DNAH17: variants seen among roughly 807,000 people sequenced by gnomAD.
DNAH17 encodes the protein axonemal beta dynein heavy chain 17.
DNAH17 carries 376 observed loss-of-function variants against 485.6 expected under a neutral mutation model. That is an observed-to-expected ratio of 0.77 (90% confidence interval 0.71 to 0.84). The LOEUF (loss-of-function observed/expected upper bound fraction) is 0.84. DNAH17 is among the 40% of genes least tolerant of loss of function. The probability of loss-of-function intolerance (pLI) is 0.00; values close to 1 mark genes in which losing one functional copy is unlikely to be tolerated. For missense variants in DNAH17, 6,370 were observed against 5,839.3 expected (o/e 1.09, Z -2.96); for synonymous variants, 3,031 against 2,405.9 (o/e 1.26, Z -7.60).
chr17:78,524,950 C>T, intron 25 of DNAH17, 59 bp downstream of exon 25: 1 of 1,552,214 alleles, frequency 6.4e-7, no homozygotes, highest in African/African-American at 1.4e-5. Context: ...CCTCTTGTTG[C>T]CGGGGGCAGC....
Position 78,558,124 on chromosome 17 carries a change from A to G in DNAH17, c.2162T>C (p.Val721Ala), listed in dbSNP as rs759345060. The stretch of plus-strand genomic sequence containing the variant: ...CCAACTCACCTCATTATACCAGCCA[A>G]CGATGAGCTCCAGGTTGCCCACAAA... ...RKFVGNLELI[V>A]GWYNEIKTIV... Residue 721 changes from valine to alanine, a missense_variant, in exon 14 of 81, where the codon GTT becomes GCT. By Grantham distance (64) the Val-to-Ala change is moderately conservative. Coordinates refer to ENST00000389840, the MANE Select transcript of DNAH17 (RefSeq NM_173628.4). 2 of 1,613,488 alleles carry G rather than the reference A, an allele frequency of 1.2e-6. No homozygotes were observed. The highest frequency in any genetic ancestry group is 1.3e-5 in the African/African-American group (1 of 74,916).
At chr17:78,456,734 T>C (rs1213847067) in intron 62 of DNAH17, among the ~76,000 whole-genome samples, 2 of 152,196 alleles carry the variant, frequency 1.3e-5, no homozygotes, top group Admixed American at 6.5e-5. Flanking sequence ...TGTGGCACCA[T>C]CTGAGCAGCC....
rs773391067 is a variant in DNAH17 at position 78,490,717 on chromosome 17, G to T, written c.6800C>A (p.Ala2267Asp). 16 of 1,608,156 alleles carry T rather than the reference G, an allele frequency of 9.9e-6. No individual in the cohort carries two copies. The South Asian group carries it at 1.7e-4, about 17-fold the overall frequency. Residue 2267 changes from alanine (A) to aspartate (D), a missense_variant, in exon 44 of 81, where the codon GCC (alanine) becomes GAC (aspartate). Transcript: ENST00000389840. ...SRAGILYINPADLGWNPVVSS... is the reference protein window; with the variant it reads ...SRAGILYINPDDLGWNPVVSS... ...CACTCACGGGTTCCATCCCAGGTCGGCTGGGTTGATGTAGAGGATGCCGGC... is the reference window on the plus strand; with the variant it reads ...CACTCACGGGTTCCATCCCAGGTCGTCTGGGTTGATGTAGAGGATGCCGGC...
rs1568165536 is a variant in DNAH17, at chr17:78,502,613, A to C, written c.5168T>G (p.Ile1723Ser). Residue 1723 changes from isoleucine (I) to serine (S), a missense_variant, in exon 33 of 81, where the codon ATC (isoleucine) becomes AGC (serine). Ile to Ser is a moderately radical substitution (Grantham distance 142, BLOSUM62 -2). Coordinates refer to ENST00000389840, the MANE Select transcript of DNAH17 (RefSeq NM_173628.4). ...CACCTGCTTTTTGTTATAATCTCTG[A>C]TAGCGTTTTCATAGCCTTCCTCCAG... is the stretch of plus-strand genomic sequence containing the variant. The part of the protein sequence containing the change: ...ARLEEGYENA[I>S]RDYNKKQISQ... 1 of 1,613,220 alleles carries C rather than the reference A, an allele frequency of 6.2e-7. No homozygotes were observed. The highest frequency in any genetic ancestry group is 1.7e-5 in the Admixed American group (1 of 59,874).
intron 80 of DNAH17, 170 bp from the exon 81 acceptor site, chr17:78,424,323 C>T (rs1214380304): frequency 6.5e-6 from 5 of 774,156 alleles, no homozygotes; most frequent in Non-Finnish European, 8.0e-6. Flanking sequence ...TAGGTGATGG[C>T]CTGCATGTTG....
intron 13 of DNAH17, among the ~76,000 whole-genome samples, chr17:78,560,427 TG>T (rs2092126879): frequency 6.6e-6 from 1 of 152,122 alleles, no homozygotes; most frequent in South Asian, 2.1e-4. Flanking sequence ...TTCTCCCCAG[TG>T]TGCCTGCCTT....
At chr17:78,510,604 C>G in intron 26 of DNAH17, 98 bp from the exon 27 acceptor site, 1 of 1,516,846 alleles carries the variant, frequency 6.6e-7, no homozygotes, top group Non-Finnish European at 9.0e-7. Context: ...TGCCGGGGCA[C>G]GATCCCGGGC....
chr17:78,449,613 G>T, intron 68 of DNAH17, 29 bp from the exon 69 acceptor site: 1 of 1,582,132 alleles, frequency 6.3e-7, no homozygotes, highest in Non-Finnish European at 8.6e-7. Flanking sequence ...GAGCCATGGA[G>T]GCGTGCAGAG....
chr17:78,500,145 G>T (rs1241071946), intron 36 of DNAH17, 160 bp downstream of exon 36: 2 of 762,150 alleles, frequency 2.6e-6, no homozygotes, highest in Non-Finnish European at 4.1e-6. Flanking sequence ...ACCTGAGGGG[G>T]ATGCTACCAG....
intron 2 of DNAH17, 25 bp from the exon 3 acceptor site, chr17:78,572,919 C>T (rs2092380765): frequency 6.2e-7 from 1 of 1,603,520 alleles, no homozygotes; most frequent in Non-Finnish European, 8.5e-7. Flanking sequence ...TTCTGTGGTT[C>T]CGCCCCCTGT....
chr17:78,503,175 T>A (rs896051823), intron 31 of DNAH17, 164 bp from the exon 32 acceptor site: 9 of 170,588 alleles, frequency 5.3e-5, no homozygotes, highest in East Asian at 1.7e-4. Context: ...ACACCTTTTT[T>A]TTTTTTTTTT....
Position 78,423,991 on chromosome 17 carries a change from G to A in DNAH17, c.13304C>T (p.Thr4435Ile), listed in dbSNP as rs1217662176. 2.5e-6 allele frequency: 4 copies of A among 1,613,916 alleles called. No homozygotes were observed. Among genetic ancestry groups the A allele is most frequent in the Non-Finnish European group, 3.4e-6 (4 of 1,179,906 alleles). Residue 4435 changes from threonine to isoleucine, a missense_variant, in exon 81 of 81, where the codon ACC becomes ATC. Thr to Ile is a moderately conservative substitution (Grantham distance 89). Coordinates refer to ENST00000389840, the MANE Select transcript of DNAH17 (RefSeq NM_173628.4). ...CTTCAAGTTAAAGGTCCAGACATAG[G>A]TGGGGCCGCGGATGCGTGTTTTGTA... ...PVYKTRIRGPTYVWTFNLKTK... is the reference protein window; with the variant it reads ...PVYKTRIRGPIYVWTFNLKTK...
Position 78,575,251 on chromosome 17 carries a change from A to C in DNAH17, c.-25-169T>G, listed in dbSNP as rs530381219. On this transcript the variant is annotated intron_variant, in intron 1 of 80. Coordinates refer to ENST00000389840, the MANE Select transcript of DNAH17 (RefSeq NM_173628.4). Reference sequence around the variant, plus strand: ...TGGGTTGGGGTGGGGGTGCTTTAGCAGGTGCTGGCACCTGCCCCGGCCCCG... The same window carrying C: ...TGGGTTGGGGTGGGGGTGCTTTAGCCGGTGCTGGCACCTGCCCCGGCCCCG... 6.0e-3 allele frequency among the ~76,000 whole-genome samples: 912 copies of C among 152,318 alleles called. 5 individuals are homozygous for C. Among genetic ancestry groups the C allele is most frequent in the African/African-American group, 0.021 (862 of 41,572 alleles).
chr17:78,526,412 C>T (rs1017257270), intron 24 of DNAH17, among the ~76,000 whole-genome samples: 11 of 152,098 alleles, frequency 7.2e-5, no homozygotes, highest in African/African-American at 2.4e-4. Flanking sequence ...CTCTGAGCTG[C>T]GAGACACAGA....
chr17:78,479,790 T>G (rs1333760487), intron 49 of DNAH17, among the ~76,000 whole-genome samples, 158 bp from the exon 50 acceptor site: 5 of 152,170 alleles, frequency 3.3e-5, no homozygotes, highest in Non-Finnish European at 7.3e-5. Context: ...TTGCATGTGG[T>G]AAAACTGCAT....
At chr17:78,572,948 A>AC in intron 2 of DNAH17, 54 bp from the exon 3 acceptor site, 1 of 1,537,720 alleles carries the variant, frequency 6.5e-7, no homozygotes, top group South Asian at 1.2e-5. Flanking sequence ...CAGCTCGGCA[A>AC]CCGCACAGAG....
chr17:78,548,385 T>C (rs2083679581), intron 16 of DNAH17, among the ~76,000 whole-genome samples: 1 of 152,008 alleles, frequency 6.6e-6, no homozygotes, highest in Non-Finnish European at 1.5e-5. Flanking sequence ...TTTGTATTTT[T>C]AGTAGAGACG....
intron 17 of DNAH17, among the ~76,000 whole-genome samples, chr17:78,540,148 G>A (rs1301207364): frequency 6.6e-6 from 1 of 151,886 alleles, no homozygotes; most frequent in East Asian, 1.9e-4. Flanking sequence ...CTCTAGTTGG[G>A]TTTCCTCTAG....
intron 77 of DNAH17, 38 bp from the exon 78 acceptor site, chr17:78,427,146 A>G (rs2146410550): frequency 6.4e-7 from 1 of 1,551,846 alleles, no homozygotes; most frequent in Non-Finnish European, 8.7e-7. Flanking sequence ...GTCACTGCAA[A>G]GAGCCCACCC....
Sources: allele counts gnomAD v4.1 joint callset (sites outside exome capture counted in the v4.1 genomes callset), GRCh38; gene constraint gnomAD v4.1.1; transcripts MANE v1.5; gene names NCBI Gene and HGNC (gene_info 2026-07-23, HGNC 2026-07-21).